Variants in MPRIP observed in about 807,000 individuals in gnomAD.
The protein encoded by MPRIP is myosin phosphatase Rho interacting protein.
In MPRIP, 59 loss-of-function variants were observed where a neutral mutation model predicts 234.9. The ratio of observed to expected loss-of-function variants is 0.25; its 90% CI spans 0.20 to 0.31. The LOEUF is 0.31. Among genes scored for constraint, MPRIP ranks in the 10% least tolerant of loss-of-function variants. The probability of loss-of-function intolerance (pLI) is 1.00; values close to 1 mark genes in which losing one functional copy is unlikely to be tolerated. For missense variants in MPRIP, 2,436 were observed against 3,071.0 expected, an observed-to-expected ratio of 0.79 and a Z score of 4.89; for synonymous variants, 1,144 against 1,263.9, an observed-to-expected ratio of 0.91 and a Z score of 2.01.
intron 1 of MPRIP, among the ~76,000 whole-genome samples, chr17:17,059,247 C>T (rs1375162171): frequency 1.3e-5 from 2 of 152,248 alleles, no homozygotes; most frequent in Non-Finnish European, 2.9e-5. Context: ...CTCAGAGCTT[C>T]TACAGTCTGT....
At chr17:17,068,780 C>T (rs1447621255) in intron 1 of MPRIP, among the ~76,000 whole-genome samples, 3 of 152,134 alleles carry the variant, frequency 2.0e-5, no homozygotes, top group Admixed American at 6.5e-5. Flanking sequence ...CTGCTTGCCT[C>T]GGTCTGTAAT....
chr17:17,136,247 C>CCAGCAGCAGCAGCAGCAGCAG lies in MPRIP; in HGVS notation c.548_568dup (p.Ser183_Ser189dup). 2 of 1,555,612 alleles carry CCAGCAGCAGCAGCAGCAGCAG rather than the reference C, an allele frequency of 1.3e-6. No individual in the cohort carries two copies. The highest frequency in any genetic ancestry group is 1.7e-4 in the Middle Eastern group (1 of 5,930). On this transcript the variant is annotated inframe_insertion, in exon 6 of 24. Coordinates refer to ENST00000651222, the MANE Select transcript of MPRIP (RefSeq NM_001364716.4). ...CCTGGGCCTGCCAAGGTGGCTGTTA[C>CCAGCAGCAGCAGCAGCAGCAG]CAGCAGCAGCAGCAGCAGCAGCAGC...
chr17:17,045,772 T>C (rs2088326028), intron 1 of MPRIP, among the ~76,000 whole-genome samples: 1 of 151,962 alleles, frequency 6.6e-6, no homozygotes, highest in African/African-American at 2.4e-5. Context: ...AGTTTTCCTG[T>C]GCATTTCTCA....
rs562206807 is a variant in MPRIP at position 17,140,885 on chromosome 17, A to C, written c.1251-1742A>C. ...GCGGTTAGTGCCCTGGGAACCCTGGAGCTGCAGGGTGCAGGCCCCGTTTTC... is the reference window on the plus strand; with the variant it reads ...GCGGTTAGTGCCCTGGGAACCCTGGCGCTGCAGGGTGCAGGCCCCGTTTTC... On this transcript the variant is annotated intron_variant, in intron 7 of 23. Coordinates refer to ENST00000651222, the MANE Select transcript of MPRIP (RefSeq NM_001364716.4). 2.8e-3 allele frequency among the ~76,000 whole-genome samples: 421 copies of C among 152,192 alleles called. 3 individuals are homozygous for C. The highest frequency in any genetic ancestry group is 0.014 in the Middle Eastern group (4 of 294).
intron 14 of MPRIP, among the ~76,000 whole-genome samples, chr17:17,159,695 G>A (rs1357269443): frequency 6.6e-6 from 1 of 152,226 alleles, no homozygotes; most frequent in Non-Finnish European, 1.5e-5. Context: ...AGATTGACAT[G>A]TCTGGGCAGG....
chr17:17,111,216 G>A (rs1285729808), intron 3 of MPRIP, among the ~76,000 whole-genome samples: 1 of 129,380 alleles, frequency 7.7e-6, no homozygotes, highest in Non-Finnish European at 1.6e-5. Context: ...GTTTCACAAG[G>A]GGTAGTCCCA....
chr17:17,111,469 T>G (rs2090170144), intron 3 of MPRIP, among the ~76,000 whole-genome samples: 1 of 152,054 alleles, frequency 6.6e-6, no homozygotes, highest in South Asian at 2.1e-4. Context: ...ACCAGGGGCT[T>G]TTTCCCATCT....
chr17:17,075,283 A>T (rs2089301217), intron 1 of MPRIP, among the ~76,000 whole-genome samples: 2 of 152,214 alleles, frequency 1.3e-5, no homozygotes, highest in South Asian at 4.1e-4. Context: ...TCACGAAAGC[A>T]GTCTCTTCTC....
At chr17:17,174,563 G>A (rs771056819) in intron 19 of MPRIP, among the ~76,000 whole-genome samples, 8 of 152,094 alleles carry the variant, frequency 5.3e-5, no homozygotes, top group Admixed American at 1.3e-4. Context: ...CTGTCCGGGC[G>A]CGGTGGCTCA....
chr17:17,184,800 C>A (rs373503948), intron 23 of MPRIP, 23 bp from the exon 24 acceptor site: 1 of 1,598,136 alleles, frequency 6.3e-7, no homozygotes. Context: ...TTTATTTTCT[C>A]CTCCTGCTCT....
chr17:17,089,574 C>A (rs2089668241), intron 3 of MPRIP, among the ~76,000 whole-genome samples: 1 of 152,104 alleles, frequency 6.6e-6, no homozygotes, highest in Non-Finnish European at 1.5e-5. Flanking sequence ...CCCAAGTGAT[C>A]TTCCTACCTG....
At position 17,165,496 on chromosome 17, in the gene MPRIP, G is replaced by A. The variant is rs1304831224; in HGVS notation, c.3905G>A (p.Gly1302Asp). The change falls in exon 16 of 24, where the codon GGC (glycine) becomes GAC (aspartate). Residue 1302 changes from glycine (G) to aspartate (D), a missense_variant. Gly to Asp is a moderately conservative substitution (Grantham distance 94, BLOSUM62 -1). Coordinates refer to ENST00000651222, the MANE Select transcript of MPRIP (RefSeq NM_001364716.4). Reference sequence around the variant, plus strand: ...TCAGTGGAAGTGCTTGACAGGGAGGGCCATCAGCAGGGCACAGCCAAACTC... The same window carrying A: ...TCAGTGGAAGTGCTTGACAGGGAGGACCATCAGCAGGGCACAGCCAAACTC... ...PKSVEVLDRE[G>D]HQQGTAKLDQ... The A allele has an allele frequency of 7.7e-7, 1 of 1,304,340 alleles. No homozygotes were observed. The highest frequency in any genetic ancestry group is 1.0e-6 in the Non-Finnish European group (1 of 988,980). The allele number at this position is 1,304,340 out of a possible 1,614,324, so 80.8% of individuals were successfully genotyped here.
intron 14 of MPRIP, 53 bp downstream of exon 14, chr17:17,159,055 A>C: frequency 6.5e-7 from 1 of 1,540,358 alleles, no homozygotes; most frequent in African/African-American, 1.4e-5. Flanking sequence ...TTTCCAGAGC[A>C]TCAGCTGTGC....
At chr17:17,131,936 T>C (rs1340517732) in intron 5 of MPRIP, among the ~76,000 whole-genome samples, 1 of 152,136 alleles carries the variant, frequency 6.6e-6, no homozygotes, top group Non-Finnish European at 1.5e-5. Context: ...CAAGGGAAGT[T>C]TCCAGCCAGC....
chr17:17,165,740 C>T lies in MPRIP; in HGVS notation c.4149C>T (p.Ile1383=), dbSNP rs1166803361. The change falls in exon 16 of 24, where the codon ATC becomes ATT. Residue 1383 remains isoleucine, a synonymous_variant. Coordinates refer to ENST00000651222, the MANE Select transcript of MPRIP (RefSeq NM_001364716.4). ...TGDSDTYLSI[I]HSLETKLYVT... is the part of the protein sequence containing the mutation. ...ACTCTGACACGTACCTCTCCATCATCCACTCCCTGGAGACCAAGCTCTACG... is the reference window on the plus strand; with the variant it reads ...ACTCTGACACGTACCTCTCCATCATTCACTCCCTGGAGACCAAGCTCTACG... 1 of 1,304,954 alleles carries T rather than the reference C, an allele frequency of 7.7e-7. No homozygotes were observed. The highest frequency in any genetic ancestry group is 1.2e-5 in the South Asian group (1 of 81,034). 80.8% of individuals were successfully genotyped at this position (1,304,954 alleles called of 1,614,324 possible).
At chr17:17,123,417 C>A (rs2090430183) in intron 3 of MPRIP, among the ~76,000 whole-genome samples, 1 of 152,144 alleles carries the variant, frequency 6.6e-6, no homozygotes, top group African/African-American at 2.4e-5. Context: ...AATGCCAGCA[C>A]TGTGGGAGGC....
At chr17:17,184,505 ACT>A (rs2046434485) in intron 23 of MPRIP, among the ~76,000 whole-genome samples, 1 of 152,224 alleles carries the variant, frequency 6.6e-6, no homozygotes, top group African/African-American at 2.4e-5. Context: ...TGCTCATTGC[ACT>A]GTTTTCCCTG....
chr17:17,156,027 C>T lies in MPRIP; in HGVS notation c.1829+1612C>T, dbSNP rs114038939. Among the ~76,000 whole-genome samples the T allele has an allele frequency of 4.9e-3, 741 of 152,360 alleles. 3 individuals carry two copies. Among genetic ancestry groups the T allele is most frequent in the African/African-American group, 0.017 (706 of 41,580 alleles). ...TATTGGCAGCAGACAGAGCTTATCA[C>T]GGGGGTCCAGGATGGGGAGTGGTGG... On this transcript the variant is annotated intron_variant, in intron 13 of 23. Transcript: ENST00000651222.
At chr17:17,178,027 T>C (rs2046293727) in intron 22 of MPRIP, among the ~76,000 whole-genome samples, 2 of 151,656 alleles carry the variant, frequency 1.3e-5, no homozygotes, top group African/African-American at 4.8e-5. Flanking sequence ...GCTCAAGGAT[T>C]CTCCCACCTT....
Sources: allele counts gnomAD v4.1 joint callset (sites outside exome capture counted in the v4.1 genomes callset), GRCh38; gene constraint gnomAD v4.1.1; transcripts MANE v1.5; gene names NCBI Gene and HGNC (gene_info 2026-07-23, HGNC 2026-07-21).